TNNT1: variants seen among roughly 807,000 people sequenced by gnomAD.
The protein encoded by TNNT1 is troponin T1, slow skeletal type.
TNNT1 carries 53 observed loss-of-function variants against 50.6 expected under a neutral mutation model. The ratio of observed to expected loss-of-function variants is 1.05; its 90% CI spans 0.84 to 1.32. TNNT1 has a LOEUF of 1.32. TNNT1 is among the 40% of genes most tolerant of loss of function. TNNT1 has a pLI of 0.00. For missense variants in TNNT1, 348 were observed against 381.7 expected, an observed-to-expected ratio of 0.91 and a Z score of 0.74; for synonymous variants, 142 against 138.0, an observed-to-expected ratio of 1.03 and a Z score of -0.20.
Position 55,141,134 on chromosome 19 carries a change from G to C in TNNT1, c.309+52C>G, listed in dbSNP as rs2085445038. 1.3e-6 allele frequency: 2 copies of C among 1,531,668 alleles called. 1 individual carries two copies. The highest frequency in any genetic ancestry group is 2.2e-5 in the South Asian group (2 of 89,434). The allele number at this position is 1,531,668 out of a possible 1,614,324, so 94.9% of individuals were successfully genotyped here. ...ATTATCTGCATCTCCCAAGATGCAAGGGATCCACATGGAGGGAGGAAGACC... is the reference window on the plus strand; with the variant it reads ...ATTATCTGCATCTCCCAAGATGCAACGGATCCACATGGAGGGAGGAAGACC... On this transcript the variant is annotated intron_variant, in intron 8 of 13. Coordinates refer to ENST00000588981, the MANE Select transcript of TNNT1 (RefSeq NM_003283.6).
chr19:55,140,236 G>T (rs906683504), intron 9 of TNNT1, among the ~76,000 whole-genome samples: 4 of 152,154 alleles, frequency 2.6e-5, no homozygotes, highest in African/African-American at 9.7e-5. Flanking sequence ...AAAGCAGGTG[G>T]ATTGCTTGAG....
At chr19:55,138,520 C>T (rs1175582795) in intron 9 of TNNT1, among the ~76,000 whole-genome samples, 3 of 152,208 alleles carry the variant, frequency 2.0e-5, no homozygotes, top group South Asian at 2.1e-4. Context: ...TCAAGTGATC[C>T]GCCTGCCTCG....
At chr19:55,143,498 AGAGGTGAG>A (rs2085495435) in intron 6 of TNNT1, among the ~76,000 whole-genome samples, 1 of 152,140 alleles carries the variant, frequency 6.6e-6, no homozygotes, top group Admixed American at 6.5e-5. Flanking sequence ...AGGGGAGGGA[AGAGGTGAG>A]GACAATCCCC....
chr19:55,132,843 G>A lies in TNNT1; in HGVS notation c.*72C>T. 2.1e-6 allele frequency: 3 copies of A among 1,426,240 alleles called. No individual in the cohort carries two copies. 88.3% of individuals were successfully genotyped at this position (1,426,240 alleles called of 1,614,324 possible). The stretch of plus-strand genomic sequence containing the variant: ...AGAACCCAGCGGGTGTCTGAGGGGA[G>A]CGTTTATTTCAAGCTACCGATGGGA... On this transcript the variant is annotated 3_prime_UTR_variant, in exon 14 of 14. Transcript: ENST00000588981.
Position 55,141,298 on chromosome 19 carries a change from A to G in TNNT1, c.197T>C (p.Ile66Thr), listed in dbSNP as rs764835364. The G allele has an allele frequency of 6.2e-7, 1 of 1,613,930 alleles. No individual in the cohort carries two copies. Among genetic ancestry groups the G allele is most frequent in the Non-Finnish European group, 8.5e-7 (1 of 1,179,814 alleles). ...PEGERVDFDD[I>T]HRKRMEKDLL... The stretch of plus-strand genomic sequence containing the variant: ...GTCTTTCTCCATGCGCTTGCGGTGG[A>G]TGTCCTGCAGGACACACGGGCAGCC... The change falls in exon 8 of 14, where the codon ATC becomes ACC. Residue 66 changes from isoleucine to threonine, a missense_variant. Around this residue, in one of 3 missense-constraint regions of TNNT1, gnomAD observed 253 missense variants for 291.8 expected, o/e 0.87. Coordinates refer to ENST00000588981, the MANE Select transcript of TNNT1 (RefSeq NM_003283.6).
At position 55,146,663 on chromosome 19, in the gene TNNT1, C is replaced by G; in HGVS notation, c.73+18G>C. The G allele has an allele frequency of 6.8e-7, 1 of 1,463,506 alleles. No individual in the cohort carries two copies. Among genetic ancestry groups the G allele is most frequent in the South Asian group, 1.4e-5 (1 of 73,676 alleles). 90.7% of individuals were successfully genotyped at this position (1,463,506 alleles called of 1,614,324 possible). On this transcript the variant is annotated intron_variant, in intron 4 of 13. Coordinates refer to ENST00000588981, the MANE Select transcript of TNNT1 (RefSeq NM_003283.6). ...CCCCCACCCCCCAGCTCCAGACCTG[C>G]GGAGTCCGGGACCTCACCTTCCTCC...
At chr19:55,147,363 A>T in intron 1 of TNNT1, 195 bp from the exon 2 acceptor site, 1 of 119,884 alleles carries the variant, frequency 8.3e-6, no homozygotes, top group Non-Finnish European at 1.5e-5. Context: ...CCTGGGTCTG[A>T]GGAAGGAGGG....
chr19:55,136,800 C>T lies in TNNT1; in HGVS notation c.611+303G>A, dbSNP rs529857896. Among the ~76,000 whole-genome samples the T allele has an allele frequency of 5.3e-5, 8 of 152,320 alleles. No homozygotes were observed. The East Asian group carries it at 1.2e-3, about 22-fold the overall frequency. On this transcript the variant is annotated intron_variant, in intron 11 of 13. Coordinates refer to ENST00000588981, the MANE Select transcript of TNNT1 (RefSeq NM_003283.6). The stretch of plus-strand genomic sequence containing the variant: ...GGTAAAAGGCACAGCCCATCCTGAG[C>T]TCCAAGGCACATCACGGAGTTAACA...
At chr19:55,140,731 C>A in intron 9 of TNNT1, 152 bp downstream of exon 9, 1 of 393,224 alleles carries the variant, frequency 2.5e-6, no homozygotes, top group Non-Finnish European at 4.1e-6. Context: ...GAGCTGAGAT[C>A]GTGCCACTGC....
chr19:55,147,583 G>A (rs1195727432), intron 1 of TNNT1, among the ~76,000 whole-genome samples: 1 of 147,552 alleles, frequency 6.8e-6, no homozygotes, highest in African/African-American at 2.5e-5. Flanking sequence ...TGGGTCTGAG[G>A]GAGGAGGGGC....
Position 55,140,937 on chromosome 19 carries a change from G to T in TNNT1, c.333C>A (p.Ala111=), listed in dbSNP as rs1316099800. 2 of 1,613,724 alleles carry T rather than the reference G, an allele frequency of 1.2e-6. No individual in the cohort carries two copies. Among genetic ancestry groups the T allele is most frequent in the Non-Finnish European group, 1.7e-6 (2 of 1,180,024 alleles). ...ERIERRRSER[A]EQQRFRTEKE... Reference sequence around the variant, plus strand: ...TCTCAGTTCTGAAGCGCTGTTGCTCGGCTCTCTCTGACCGGCGCCGCTCCT... The same window carrying T: ...TCTCAGTTCTGAAGCGCTGTTGCTCTGCTCTCTCTGACCGGCGCCGCTCCT... The change falls in exon 9 of 14, where the codon GCC becomes GCA. Residue 111 remains alanine, a synonymous_variant. Coordinates refer to ENST00000588981, the MANE Select transcript of TNNT1 (RefSeq NM_003283.6).
intron 11 of TNNT1, chr19:55,135,482 G>T: frequency 3.1e-6 from 1 of 324,092 alleles, no homozygotes; most frequent in South Asian, 2.2e-5. Flanking sequence ...ACAGCTCACC[G>T]CAGTCTCAAC....
At position 55,134,080 on chromosome 19, in the gene TNNT1, G is replaced by C. The variant is rs1422192860; in HGVS notation, c.736C>G (p.Gln246Glu). 1.2e-6 allele frequency: 2 copies of C among 1,612,944 alleles called. No individual in the cohort carries two copies. Among genetic ancestry groups the C allele is most frequent in the Non-Finnish European group, 1.7e-6 (2 of 1,179,898 alleles). ...EKFDLMAKLK[Q>E]QKYEINVLYN... ...CTGGGTCTCACCTCATATTTCTGCT[G>C]TTTCAGCTTCGCCATCAGGTCGAAC... The change falls in exon 12 of 14, where the codon CAG (glutamine) becomes GAG (glutamate). Residue 246 changes from glutamine to glutamate, a missense_variant. Physicochemically the swap from Gln to Glu is conservative, Grantham distance 29. This residue lies in a region of TNNT1 where 253 missense variants were observed against 291.8 expected (regional missense o/e 0.87). Coordinates refer to ENST00000588981, the MANE Select transcript of TNNT1 (RefSeq NM_003283.6).
At chr19:55,137,549 G>C (rs7259356) in intron 10 of TNNT1, among the ~76,000 whole-genome samples, 5,171 of 18,380 alleles carry the variant, frequency 0.28, 88 homozygotes, top group African/African-American at 0.41. Context: ...TGCAGGCCCC[G>C]AGCCCCTCCT....
chr19:55,140,816 T>TAATAAC, intron 9 of TNNT1, 67 bp downstream of exon 9: 3 of 1,160,308 alleles, frequency 2.6e-6, no homozygotes, highest in Non-Finnish European at 3.7e-6. Flanking sequence ...ATAATAATAA[T>TAATAAC]AATAACAAAA....
chr19:55,148,488 A>T (rs1353020384), intron 1 of TNNT1, among the ~76,000 whole-genome samples: 1 of 151,752 alleles, frequency 6.6e-6, no homozygotes, highest in African/African-American at 2.4e-5. Flanking sequence ...TGAGACCCCG[A>T]TTTATGATGC....
chr19:55,142,009 C>T (rs1298812169), intron 6 of TNNT1, 89 bp from the exon 7 acceptor site: 4 of 1,363,376 alleles, frequency 2.9e-6, no homozygotes, highest in Non-Finnish European at 4.2e-6. Context: ...GTGAGGTAGC[C>T]GCCAGCCCCG....
chr19:55,145,401 GGGAGGA>G (rs549817331), intron 6 of TNNT1, 137 bp downstream of exon 6: 11 of 727,050 alleles, frequency 1.5e-5, no homozygotes, highest in East Asian at 2.6e-5. Context: ...GAAAGGGGGA[GGGAGGA>G]GGAGGAGGAG....
At chr19:55,141,374 G>T in intron 7 of TNNT1, 72 bp from the exon 8 acceptor site, 2 of 1,121,880 alleles carry the variant, frequency 1.8e-6, no homozygotes, top group Non-Finnish European at 2.7e-6. Context: ...CCTCCCCCAT[G>T]CAGGATGGTG....
Sources: allele counts gnomAD v4.1 joint callset (sites outside exome capture counted in the v4.1 genomes callset), GRCh38; gene constraint gnomAD v4.1.1; regional missense constraint gnomAD v4.1.1; transcripts MANE v1.5; gene names NCBI Gene and HGNC (gene_info 2026-07-23, HGNC 2026-07-21).